Variants in UBE2E2 observed in about 807,000 individuals in gnomAD.
UBE2E2 encodes ubiquitin conjugating enzyme E2 E2.
In UBE2E2, 6 loss-of-function variants were observed where a neutral mutation model predicts 24.7. That is an observed-to-expected ratio of 0.24 (90% confidence interval 0.13 to 0.48). The LOEUF (loss-of-function observed/expected upper bound fraction) is 0.48. UBE2E2 is among the 20% of genes least tolerant of loss of function. The pLI, the probability that UBE2E2 is intolerant of heterozygous loss-of-function variation, is 0.99. For missense variants in UBE2E2, 169 were observed against 245.0 expected, an observed-to-expected ratio of 0.69 and a Z score of 2.07; for synonymous variants, 104 against 83.6, an observed-to-expected ratio of 1.24 and a Z score of -1.33.
In UBE2E2 at chr3:23,591,479, CT is replaced by C. The variant is rs1334554075; in HGVS notation, c.*1653del. 1 of 152,078 alleles carries C rather than the reference CT, an allele frequency of 6.6e-6. No homozygotes were observed. Among genetic ancestry groups the C allele is most frequent in the African/African-American group, 2.4e-5 (1 of 41,432 alleles). 9.4% of individuals were successfully genotyped at this position (152,078 alleles called of 1,614,324 possible). ...CAAAATACCTGAGAATATTTTTTGT[CT>C]TTTTAATAACGATTTTACCATTCAT... On this transcript the variant is annotated 3_prime_UTR_variant, in exon 6 of 6. Transcript: ENST00000396703.
chr3:23,555,282 A>G (rs185868371), intron 5 of UBE2E2, among the ~76,000 whole-genome samples: 4 of 152,346 alleles, frequency 2.6e-5, no homozygotes, highest in African/African-American at 7.2e-5. Context: ...AAAGGTGTTC[A>G]GCATCACTAA....
At chr3:23,315,894 T>G (rs927726846) in intron 3 of UBE2E2, among the ~76,000 whole-genome samples, 1 of 152,186 alleles carries the variant, frequency 6.6e-6, no homozygotes, top group Non-Finnish European at 1.5e-5. Context: ...ATCTTGGTGG[T>G]CTTTGTTAAG....
intron 3 of UBE2E2, among the ~76,000 whole-genome samples, chr3:23,301,658 A>T (rs1699095441): frequency 6.6e-6 from 1 of 152,126 alleles, no homozygotes; most frequent in African/African-American, 2.4e-5. Flanking sequence ...GTCTCAGAGG[A>T]GTACCCGGCC....
At chr3:23,533,619 A>ATTT (rs759984741) in intron 5 of UBE2E2, among the ~76,000 whole-genome samples, 10,280 of 108,422 alleles carry the variant, frequency 0.095, 1,167 homozygotes, top group South Asian at 0.14. Flanking sequence ...GCAAATTAGT[A>ATTT]TTTTTTTTTT....
At chr3:23,415,681 C>G (rs1272630521) in intron 3 of UBE2E2, among the ~76,000 whole-genome samples, 2 of 152,124 alleles carry the variant, frequency 1.3e-5, no homozygotes, top group Admixed American at 6.6e-5. Context: ...TTGGAATTTG[C>G]TGACTTTTTG....
At chr3:23,222,722 AATAT>A (rs1696690321) in intron 3 of UBE2E2, among the ~76,000 whole-genome samples, 1 of 152,062 alleles carries the variant, frequency 6.6e-6, no homozygotes, top group Non-Finnish European at 1.5e-5. Context: ...CTAATATATA[AATAT>A]ATATACCCAG....
chr3:23,430,472 A>C (rs541290960), intron 3 of UBE2E2, among the ~76,000 whole-genome samples: 13 of 151,496 alleles, frequency 8.6e-5, no homozygotes, highest in Admixed American at 1.3e-4. Context: ...GGCCCACATT[A>C]AGCACTTAAT....
chr3:23,321,523 C>G (rs1428779225), intron 3 of UBE2E2, among the ~76,000 whole-genome samples: 4 of 151,520 alleles, frequency 2.6e-5, no homozygotes, highest in Admixed American at 2.0e-4. Flanking sequence ...CTGATGTTCA[C>G]CAGCTGCTAA....
At chr3:23,378,236 TAAAAAAAAAAA>T (rs56808350) in intron 3 of UBE2E2, among the ~76,000 whole-genome samples, 4 of 118,064 alleles carry the variant, frequency 3.4e-5, no homozygotes, top group African/African-American at 6.4e-5. Context: ...AAATAAGCAG[TAAAAAAAAAAA>T]AAAAAAAAAA....
At chr3:23,288,497 G>C (rs530121031) in intron 3 of UBE2E2, among the ~76,000 whole-genome samples, 1 of 152,176 alleles carries the variant, frequency 6.6e-6, no homozygotes, top group African/African-American at 2.4e-5. Context: ...GATCTGTCCA[G>C]TGCTGAAACT....
At chr3:23,535,618 C>CTTTTTTTTTTTT (rs67901258) in intron 5 of UBE2E2, among the ~76,000 whole-genome samples, 1 of 86,020 alleles carries the variant, frequency 1.2e-5, no homozygotes, top group Non-Finnish European at 2.1e-5. Flanking sequence ...ATAGAGCATT[C>CTTTTTTTTTTTT]TTTTTTTTTT....
intron 3 of UBE2E2, among the ~76,000 whole-genome samples, chr3:23,418,244 G>T (rs1174255891): frequency 6.6e-6 from 1 of 152,172 alleles, no homozygotes; most frequent in Non-Finnish European, 1.5e-5. Context: ...GAAAAGCGTA[G>T]TATCAGGGCC....
intron 3 of UBE2E2, among the ~76,000 whole-genome samples, chr3:23,497,351 A>G (rs1167995083): frequency 6.6e-6 from 1 of 152,194 alleles, no homozygotes; most frequent in Non-Finnish European, 1.5e-5. Flanking sequence ...GGCAATACGC[A>G]ATTTGCTGGA....
intron 3 of UBE2E2, among the ~76,000 whole-genome samples, chr3:23,355,714 T>C (rs1050431923): frequency 1.3e-5 from 2 of 152,216 alleles, no homozygotes; most frequent in Non-Finnish European, 2.9e-5. Flanking sequence ...ACAGTCTCCG[T>C]AGATACTAAA....
chr3:23,253,974 T>A (rs1023035735), intron 3 of UBE2E2, among the ~76,000 whole-genome samples: 1 of 152,226 alleles, frequency 6.6e-6, no homozygotes, highest in African/African-American at 2.4e-5. Context: ...AAATTTAGAT[T>A]TGTGATTTTA....
At chr3:23,286,803 T>A (rs1344908619) in intron 3 of UBE2E2, among the ~76,000 whole-genome samples, 1 of 152,310 alleles carries the variant, frequency 6.6e-6, no homozygotes, top group African/African-American at 2.4e-5. Flanking sequence ...TGTGTATGTG[T>A]CCTTTTCAGT....
Position 23,208,945 on chromosome 3 carries a change from C to A in UBE2E2, c.176+70C>A, listed in dbSNP as rs1000136003. The A allele has an allele frequency of 7.1e-6, 10 of 1,402,500 alleles. No individual in the cohort carries two copies. The African/African-American group carries it at 1.3e-4, about 19-fold the overall frequency. 86.9% of individuals were successfully genotyped at this position (1,402,500 alleles called of 1,614,324 possible). A position where few individuals can be genotyped will look rare whatever the true frequency, so the allele number is the denominator to read the frequency against. On this transcript the variant is annotated intron_variant, in intron 2 of 5. Transcript: ENST00000396703. ...CATCTTAAGTTCTATTTTTCTCTTGCATTTAATCATTTTTTCTGGGATGTC... is the reference window on the plus strand; with the variant it reads ...CATCTTAAGTTCTATTTTTCTCTTGAATTTAATCATTTTTTCTGGGATGTC...
At chr3:23,279,829 C>T (rs1698448477) in intron 3 of UBE2E2, among the ~76,000 whole-genome samples, 1 of 152,170 alleles carries the variant, frequency 6.6e-6, no homozygotes, top group Admixed American at 6.5e-5. Context: ...TGGCAATGAA[C>T]AAACCTTATA....
Position 23,391,447 on chromosome 3 carries a change from C to G in UBE2E2, c.228-108161C>G, listed in dbSNP as rs2125361270. Among the ~76,000 whole-genome samples, 4 of 152,262 alleles carry G rather than the reference C, an allele frequency of 2.6e-5. No homozygotes were observed. The Middle Eastern group carries it at 0.014, about 518-fold the overall frequency. ...ATTTTTGTTGGGCATCTACTATATG[C>G]TGGATACAGGCATGATGCAAACATT... is the stretch of plus-strand genomic sequence containing the variant. On this transcript the variant is annotated intron_variant, in intron 3 of 5. Coordinates refer to ENST00000396703, the MANE Select transcript of UBE2E2 (RefSeq NM_152653.4).
Sources: gnomAD v4.1 joint callset for allele counts (sites outside exome capture counted in the v4.1 genomes callset) on GRCh38, gnomAD v4.1.1 for gene constraint, MANE v1.5 for transcripts, NCBI Gene and HGNC (gene_info 2026-07-23, HGNC 2026-07-21) for gene names.